KDM8: variants seen among roughly 807,000 people sequenced by gnomAD.
KDM8 encodes lysine demethylase 8, also known as bifunctional peptidase and arginyl-hydroxylase JMJD5.
A neutral mutation model predicts 46.9 loss-of-function variants in KDM8; 35 were observed. The observed-to-expected ratio is 0.75, with a 90% confidence interval of 0.57 to 0.99. The LOEUF is 0.99. Among genes scored for constraint, KDM8 ranks in the 50% least tolerant of loss-of-function variants. The pLI is 0.00. For synonymous variants in KDM8, 232 were observed against 227.7 expected, an observed-to-expected ratio of 1.02 and a Z score of -0.17; for missense variants, 475 against 537.0, an observed-to-expected ratio of 0.88 and a Z score of 1.14.
Position 27,221,142 on chromosome 16 carries a change from C to T in KDM8, c.*412C>T. The T allele has an allele frequency of 2.9e-6, 1 of 343,974 alleles. No individual in the cohort carries two copies. The highest frequency in any genetic ancestry group is 2.3e-5 in the South Asian group (1 of 43,432). The allele number at this position is 343,974 out of a possible 1,614,324, so 21.3% of individuals were successfully genotyped here. On this transcript the variant is annotated 3_prime_UTR_variant, in exon 8 of 8. Coordinates refer to ENST00000286096, the MANE Select transcript of KDM8 (RefSeq NM_024773.3). ...CTGCTGGGTGACTTGGCCAGGATCC[C>T]CCACTTCGCTGTGCCCATATGGAAA...
At chr16:27,208,546 T>G (rs1286582903) in intron 1 of KDM8, among the ~76,000 whole-genome samples, 1 of 152,162 alleles carries the variant, frequency 6.6e-6, no homozygotes, top group East Asian at 1.9e-4. Flanking sequence ...AGTTTTATAG[T>G]AGGGCAATAA....
chr16:27,213,454 G>A (rs1454617194), intron 2 of KDM8, 131 bp from the exon 3 acceptor site: 11 of 827,230 alleles, frequency 1.3e-5, no homozygotes, highest in East Asian at 2.6e-5. Flanking sequence ...AATAACAAAC[G>A]TTGTCTATTG....
At chr16:27,213,982 T>A in intron 3 of KDM8, 1 of 480,796 alleles carries the variant, frequency 2.1e-6, no homozygotes, top group South Asian at 3.4e-5. Context: ...AGCGGTTTTT[T>A]AATGAGTCCC....
chr16:27,216,808 T>C (rs1333772928), intron 5 of KDM8, among the ~76,000 whole-genome samples: 2 of 152,092 alleles, frequency 1.3e-5, no homozygotes, highest in Admixed American at 1.3e-4. Context: ...AAAGGGGGAT[T>C]CTAATTGATC....
Position 27,203,929 on chromosome 16 carries a change from CTG to C in KDM8, c.-32+294_-32+295del. 3 of 545,034 alleles carry C rather than the reference CTG, an allele frequency of 5.5e-6. No individual in the cohort carries two copies. The South Asian group carries it at 7.2e-5, about 13-fold the overall frequency. 33.8% of individuals were successfully genotyped at this position (545,034 alleles called of 1,614,324 possible). A position where few individuals can be genotyped will look rare whatever the true frequency, so the allele number is the denominator to read the frequency against. ...CGTGAGGGCAGGCCCTTACGGCGGG[CTG>C]CTGTGCGCTTTAGCGGTTCTTGGCG... On this transcript the variant is annotated intron_variant, in intron 1 of 7. Transcript: ENST00000286096.
At chr16:27,204,186 C>T in intron 1 of KDM8, 1 of 1,482,248 alleles carries the variant, frequency 6.7e-7, no homozygotes, top group East Asian at 2.8e-5. Context: ...GTACGGGGGA[C>T]CCTCTGGGGC....
chr16:27,215,569 AG>A (rs1423854179), intron 4 of KDM8, among the ~76,000 whole-genome samples: 9 of 152,182 alleles, frequency 5.9e-5, no homozygotes, highest in African/African-American at 2.2e-4. Flanking sequence ...CAATAGAACC[AG>A]GCCCTGTCAA....
At chr16:27,203,887 C>G in intron 1 of KDM8, 1 of 470,536 alleles carries the variant, frequency 2.1e-6, no homozygotes, top group Non-Finnish European at 3.8e-6. Context: ...CGTCTCTTGG[C>G]AGTGGTTTTG....
rs1355721857 is a variant in KDM8, at chr16:27,210,364, A to C, written c.241A>C (p.Thr81Pro). ...ILDYSWEKLN[T>P]GTWQDVDKDW... ...GGACTACTCCTGGGAGAAGCTCAAC[A>C]CGGGCACATGGCAGGACGTAGACAA... Residue 81 changes from threonine to proline, a missense_variant, in exon 2 of 8, where the codon ACG becomes CCG. By Grantham distance (38) the Thr-to-Pro change is conservative (BLOSUM62 -1). Coordinates refer to ENST00000286096, the MANE Select transcript of KDM8 (RefSeq NM_024773.3). 1 of 1,613,402 alleles carries C rather than the reference A, an allele frequency of 6.2e-7. No homozygotes were observed. The highest frequency in any genetic ancestry group is 8.5e-7 in the Non-Finnish European group (1 of 1,180,034).
At chr16:27,204,367 C>G in intron 1 of KDM8, 1 of 1,338,640 alleles carries the variant, frequency 7.5e-7, no homozygotes, top group East Asian at 3.1e-5. Flanking sequence ...GACCCAAACA[C>G]AAGACTGTGT....
intron 1 of KDM8, among the ~76,000 whole-genome samples, chr16:27,208,356 G>A (rs2083446803): frequency 1.3e-5 from 2 of 152,158 alleles, no homozygotes; most frequent in Non-Finnish European, 2.9e-5. Flanking sequence ...TGGTAAGGCT[G>A]ATAGGCGCCC....
At chr16:27,203,709 A>G in intron 1 of KDM8, 73 bp downstream of exon 1, 2 of 209,016 alleles carry the variant, frequency 9.6e-6, no homozygotes, top group Non-Finnish European at 9.8e-6. Flanking sequence ...TCAGAGGCAT[A>G]GACCGCGCAG....
At chr16:27,217,979 T>TA (rs1273301508) in intron 5 of KDM8, among the ~76,000 whole-genome samples, 3 of 152,036 alleles carry the variant, frequency 2.0e-5, no homozygotes, top group African/African-American at 7.2e-5. Context: ...GAAGTGGACT[T>TA]AGAGTGAGTG....
rs145879289 is a variant in KDM8, at chr16:27,210,590, G to C, written c.467G>C (p.Arg156Pro). 5.9e-6 allele frequency: 9 copies of C among 1,515,290 alleles called. No homozygotes were observed. The South Asian group carries it at 6.7e-5, about 11-fold the overall frequency. 93.9% of individuals were successfully genotyped at this position (1,515,290 alleles called of 1,614,324 possible). A position where few individuals can be genotyped will look rare whatever the true frequency, so the allele number is the denominator to read the frequency against. ...CACCTCCCTGGAAAGAGGCCTGCCCGTGGCTCCCTCCCAGAGCAACCCTGC... is the reference window on the plus strand; with the variant it reads ...CACCTCCCTGGAAAGAGGCCTGCCCCTGGCTCCCTCCCAGAGCAACCCTGC... Reference protein sequence around the residue: ...QTHLPGKRPARGSLPEQPCTK... With the variant: ...QTHLPGKRPAPGSLPEQPCTK... Residue 156 changes from arginine to proline, a missense_variant, in exon 2 of 8, where the codon CGT (arginine) becomes CCT (proline). Coordinates refer to ENST00000286096, the MANE Select transcript of KDM8 (RefSeq NM_024773.3).
At position 27,216,700 on chromosome 16, in the gene KDM8, T is replaced by C. The variant is rs1209001584; in HGVS notation, c.843+711T>C. Among the ~76,000 whole-genome samples, 3 of 152,138 alleles carry C rather than the reference T, an allele frequency of 2.0e-5. No homozygotes were observed. In the East Asian group the frequency reaches 5.8e-4, roughly 29 times the overall value. On this transcript the variant is annotated intron_variant, in intron 5 of 7. Coordinates refer to ENST00000286096, the MANE Select transcript of KDM8 (RefSeq NM_024773.3). ...GTAGGGGCTGTGCCAGGAGCCTTCATGCCGACATTAAAGGACGCTGGCGGT... is the reference window on the plus strand; with the variant it reads ...GTAGGGGCTGTGCCAGGAGCCTTCACGCCGACATTAAAGGACGCTGGCGGT...
intron 1 of KDM8, 114 bp downstream of exon 1, chr16:27,203,750 G>C (rs1012939605): frequency 3.7e-6 from 1 of 271,650 alleles, no homozygotes; most frequent in South Asian, 6.7e-5. Context: ...GCCCGGCCTC[G>C]CGCGTGCGCC....
intron 2 of KDM8, chr16:27,211,157 T>TCAGCAGAGAGG (rs1228983228): frequency 1.5e-5 from 7 of 455,404 alleles, no homozygotes; most frequent in Non-Finnish European, 3.1e-5. Flanking sequence ...CAGCGCCCTT[T>TCAGCAGAGAGG]CAGCAGAGAG....
At chr16:27,213,404 C>A in intron 2 of KDM8, 181 bp from the exon 3 acceptor site, 1 of 560,330 alleles carries the variant, frequency 1.8e-6, no homozygotes, top group Non-Finnish European at 3.0e-6. Context: ...AAAAAACCAC[C>A]TTGATCTCAT....
chr16:27,220,957 G>A lies in KDM8; in HGVS notation c.*227G>A. 1 of 610,458 alleles carries A rather than the reference G, an allele frequency of 1.6e-6. No individual in the cohort carries two copies. The highest frequency in any genetic ancestry group is 2.9e-6 in the Non-Finnish European group (1 of 339,020). 37.8% of individuals were successfully genotyped at this position (610,458 alleles called of 1,614,324 possible). On this transcript the variant is annotated 3_prime_UTR_variant, in exon 8 of 8. Coordinates refer to ENST00000286096, the MANE Select transcript of KDM8 (RefSeq NM_024773.3). ...GGCCAGGGGTGCATGGCAGAGGAAG[G>A]TGGGGAGAGCCCAGAAGGACATTGC...
Sources: gnomAD v4.1 joint callset for allele counts (sites outside exome capture counted in the v4.1 genomes callset) on GRCh38, gnomAD v4.1.1 for gene constraint, MANE v1.5 for transcripts, NCBI Gene and HGNC (gene_info 2026-07-23, HGNC 2026-07-21) for gene names.